The following PCDH19 variants were observed in gnomAD, a reference collection of about 807,000 sequenced individuals.
The protein encoded by PCDH19 is protocadherin-19.
PCDH19 carries 6 observed loss-of-function variants against 46.2 expected under a neutral mutation model. That is an observed-to-expected ratio of 0.13 (90% CI 0.07 to 0.26). The LOEUF is 0.26. Among genes scored for constraint, PCDH19 ranks in the 10% least tolerant of loss-of-function variants. The pLI is 1.00. For missense variants in PCDH19, 740 were observed against 972.3 expected (o/e 0.76, Z 3.18); for synonymous variants, 481 against 415.7 (o/e 1.16, Z -1.91).
intron 4 of PCDH19, among the ~76,000 whole-genome samples, chrX:100,349,632 C>A (rs1343438242): frequency 8.9e-6 from 1 of 112,244 alleles, no homozygotes; most frequent in African/African-American, 3.2e-5. Flanking sequence ...AATTTGCAAG[C>A]CTTCTCTGCT....
intron 3 of PCDH19, among the ~76,000 whole-genome samples, chrX:100,386,113 A>G (rs939876744): frequency 1.8e-5 from 2 of 111,623 alleles, no homozygotes; most frequent in African/African-American, 6.5e-5. Context: ...TTGTGTATCT[A>G]TATCTCCCTA....
intron 5 of PCDH19, among the ~76,000 whole-genome samples, chrX:100,307,142 A>C (rs912199244): frequency 1.6e-4 from 18 of 111,748 alleles, no homozygotes; most frequent in Admixed American, 1.6e-3. Flanking sequence ...CAGATACAGA[A>C]ATCCTCAACA....
intron 3 of PCDH19, among the ~76,000 whole-genome samples, chrX:100,383,791 A>G (rs1602621449): frequency 8.9e-6 from 1 of 112,074 alleles, no homozygotes; most frequent in African/African-American, 3.2e-5. Context: ...ACAAAGAATA[A>G]GGAGAAACTA....
At chrX:100,392,530 T>C (rs746733692) in intron 3 of PCDH19, among the ~76,000 whole-genome samples, 1 of 112,480 alleles carries the variant, frequency 8.9e-6, no homozygotes, top group South Asian at 3.7e-4. Context: ...CCTAAGCTTT[T>C]AGGAACAAAT....
In PCDH19 at chrX:100,407,763, C is replaced by G. The variant is rs1380743481; in HGVS notation, c.835G>C (p.Gly279Arg). 8.2e-7 allele frequency: 1 copy of G among 1,212,261 alleles called. No individual in the cohort carries two copies. Among genetic ancestry groups the G allele is most frequent in the Non-Finnish European group, 1.1e-6 (1 of 895,595 alleles). ...TCGCGCGTGCGGTCGTTGACGTAGCCATAGAAGGAGTAGACCACCTGGCCG... is the reference window on the plus strand; with the variant it reads ...TCGCGCGTGCGGTCGTTGACGTAGCGATAGAAGGAGTAGACCACCTGGCCG... ...TNGQVVYSFY[G>R]YVNDRTRELF... The change falls in exon 1 of 6, where the codon GGC (glycine) becomes CGC (arginine). Residue 279 changes from glycine (G) to arginine (R), a missense_variant. By Grantham distance (125) the Gly-to-Arg change is moderately radical (BLOSUM62 -2). Transcript: ENST00000373034.
intron 4 of PCDH19, among the ~76,000 whole-genome samples, chrX:100,349,511 C>A (rs1276510532): frequency 8.9e-6 from 1 of 112,037 alleles, no homozygotes; most frequent in East Asian, 2.8e-4. Flanking sequence ...GTTACTGAAG[C>A]CTCATGAATT....
intron 5 of PCDH19, among the ~76,000 whole-genome samples, chrX:100,332,350 C>T (rs965413371): frequency 1.8e-5 from 2 of 110,658 alleles, no homozygotes; most frequent in Non-Finnish European, 3.8e-5. Flanking sequence ...GGTGAAACCC[C>T]GTCTCTACTA....
intron 5 of PCDH19, among the ~76,000 whole-genome samples, chrX:100,313,838 A>T (rs1925206053): frequency 1.0e-5 from 1 of 98,817 alleles, no homozygotes; most frequent in African/African-American, 3.7e-5. Flanking sequence ...CTGGAATTCA[A>T]AGAGCCCTCT....
At chrX:100,403,414 C>T (rs915949960) in intron 2 of PCDH19, 110 bp downstream of exon 2, 2 of 777,733 alleles carry the variant, frequency 2.6e-6, no homozygotes, top group Non-Finnish European at 3.9e-6. Context: ...CTCCTCCACA[C>T]CCTCCTCCCT....
rs1924952827 is a variant in PCDH19, at chrX:100,306,605, A to G, written c.2849-9730T>C. Among the ~76,000 whole-genome samples, 4 of 111,732 alleles carry G rather than the reference A, an allele frequency of 3.6e-5. No homozygotes were observed. In the Admixed American group the frequency reaches 3.8e-4, roughly 11 times the overall value. On this transcript the variant is annotated intron_variant, in intron 5 of 5. Transcript: ENST00000373034. ...GAAATTGAAACAAAAGAAATAATAC[A>G]AAAGATAAATGAAACAAAAACCTGG... is the stretch of plus-strand genomic sequence containing the variant.
chrX:100,346,822 T>C (rs749823767), intron 4 of PCDH19, among the ~76,000 whole-genome samples: 1 of 110,417 alleles, frequency 9.1e-6, no homozygotes, highest in East Asian at 2.8e-4. Flanking sequence ...TATGCCCTGC[T>C]TGATATTGTT....
intron 3 of PCDH19, among the ~76,000 whole-genome samples, chrX:100,353,577 C>A (rs1926628674): frequency 9.0e-6 from 1 of 111,648 alleles, no homozygotes; most frequent in Non-Finnish European, 1.9e-5. Context: ...TTCCCACTCC[C>A]AGGCACTGAG....
intron 3 of PCDH19, among the ~76,000 whole-genome samples, chrX:100,401,297 C>T (rs1381186866): frequency 8.9e-6 from 1 of 111,911 alleles, no homozygotes; most frequent in Non-Finnish European, 1.9e-5. Flanking sequence ...CCATATACCA[C>T]TCTACTGCCC....
intron 5 of PCDH19, among the ~76,000 whole-genome samples, chrX:100,309,705 G>C (rs774008617): frequency 9.9e-5 from 11 of 111,220 alleles, no homozygotes; most frequent in Non-Finnish European, 1.9e-4. Flanking sequence ...CAGGAAGGAT[G>C]AAGGATGGGG....
chrX:100,345,743 A>G (rs1926379725), intron 4 of PCDH19, among the ~76,000 whole-genome samples: 1 of 111,949 alleles, frequency 8.9e-6, no homozygotes, highest in Non-Finnish European at 1.9e-5. Flanking sequence ...CAGAACAAAA[A>G]GCAAGGTATA....
chrX:100,382,090 A>G (rs1927569005), intron 3 of PCDH19, among the ~76,000 whole-genome samples: 2 of 111,159 alleles, frequency 1.8e-5, no homozygotes, highest in South Asian at 7.6e-4. Context: ...TAAAAAAAAA[A>G]AAAGAAATAG....
chrX:100,297,592 A>G (rs1158434221), intron 5 of PCDH19, among the ~76,000 whole-genome samples: 1 of 112,224 alleles, frequency 8.9e-6, no homozygotes, highest in Non-Finnish European at 1.9e-5. Context: ...AGACCCAACT[A>G]GCCATCCCTC....
Position 100,402,548 on chromosome X carries a change from A to C in PCDH19, c.2592T>G (p.Ile864Met). 8.3e-7 allele frequency: 1 copy of C among 1,211,337 alleles called. No homozygotes were observed. The highest frequency in any genetic ancestry group is 1.1e-6 in the Non-Finnish European group (1 of 895,032). The stretch of plus-strand genomic sequence containing the variant: ...CCTCAGGCAGAGGCACACCGTTGAT[A>C]ATCAGGTCAGGCTGCTGGGGCCCCT... ...NSQGPQQPDLIINGVPLPETE... is the reference protein window; with the variant it reads ...NSQGPQQPDLMINGVPLPETE... Residue 864 changes from isoleucine to methionine, a missense_variant, in exon 3 of 6, where the codon ATT (isoleucine) becomes ATG (methionine). This residue lies in a region of PCDH19 where 416 missense variants were observed against 476.8 expected (regional missense o/e 0.87). Coordinates refer to ENST00000373034, the MANE Select transcript of PCDH19 (RefSeq NM_001184880.2).
chrX:100,385,226 T>G (rs1169257965), intron 3 of PCDH19, among the ~76,000 whole-genome samples: 2 of 110,548 alleles, frequency 1.8e-5, no homozygotes, highest in East Asian at 5.6e-4. Context: ...TTCCCACAGC[T>G]TCACCAGATT....
Sources: allele counts gnomAD v4.1 joint callset (sites outside exome capture counted in the v4.1 genomes callset), GRCh38; gene constraint gnomAD v4.1.1; regional missense constraint gnomAD v4.1.1; transcripts MANE v1.5; gene names NCBI Gene and HGNC (gene_info 2026-07-23, HGNC 2026-07-21).